AP5Z1: variants seen among roughly 807,000 people sequenced by gnomAD.
The protein encoded by AP5Z1 is AP-5 complex subunit zeta-1.
In AP5Z1, 106 loss-of-function variants were observed where a neutral mutation model predicts 83.0. The ratio of observed to expected loss-of-function variants is 1.28; its 90% CI spans 1.09 to 1.50. The LOEUF (loss-of-function observed/expected upper bound fraction) is 1.50, where lower values mean the gene tolerates loss of function less well. Ranked by LOEUF, AP5Z1 falls within the 40% of genes most tolerant of loss-of-function variation. AP5Z1 has a pLI of 0.00. For missense variants in AP5Z1, 1,565 were observed against 1,094.2 expected (o/e 1.43, Z -6.07); for synonymous variants, 751 against 514.1 (o/e 1.46, Z -6.23).
Position 4,785,715 on chromosome 7 carries a change from G to C in AP5Z1, c.1132+31G>C, listed in dbSNP as rs578065937. ...CCCAGGGTGGGGTGGCGCTGACTCG[G>C]GGCTCTGCTTCTGCCTTTAGTTTTA... On this transcript the variant is annotated intron_variant, in intron 9 of 16. Transcript: ENST00000649063. The C allele has an allele frequency of 9.7e-6, 14 of 1,447,974 alleles. No individual in the cohort carries two copies. In the South Asian group the frequency reaches 2.0e-4, roughly 21 times the overall value. The allele number at this position is 1,447,974 out of a possible 1,614,324, so 89.7% of individuals were successfully genotyped here. A position where few individuals can be genotyped will look rare whatever the true frequency, so the allele number is the denominator to read the frequency against.
intron 16 of AP5Z1, 81 bp from the exon 17 acceptor site, chr7:4,791,034 C>A: frequency 6.8e-7 from 1 of 1,479,492 alleles, no homozygotes; most frequent in Non-Finnish European, 9.0e-7. Context: ...CTGCTGGGCG[C>A]TTCAGGCCTG....
chr7:4,780,855 C>T (rs569031984), intron 1 of AP5Z1, among the ~76,000 whole-genome samples: 1 of 152,176 alleles, frequency 6.6e-6, no homozygotes, highest in South Asian at 2.1e-4. Context: ...AGTAAATTTC[C>T]TACTCTTGAA....
At position 4,783,739 on chromosome 7, in the gene AP5Z1, A is replaced by AGCCTCCAGCAAG; in HGVS notation, c.564_575dup (p.Gln190_Leu193dup). Reference sequence around the variant, plus strand: ...GCTGGTCGACTGGCTGCGCTACGCCAGCCTCCAGCAAGGGCTCCCACACTC... The same window carrying AGCCTCCAGCAAG: ...GCTGGTCGACTGGCTGCGCTACGCCAGCCTCCAGCAAGGCCTCCAGCAAGGGCTCCCACACTC... On this transcript the variant is annotated inframe_insertion, in exon 5 of 17. Coordinates refer to ENST00000649063, the MANE Select transcript of AP5Z1 (RefSeq NM_014855.3). 2 of 1,550,738 alleles carry AGCCTCCAGCAAG rather than the reference A, an allele frequency of 1.3e-6. No homozygotes were observed. Among genetic ancestry groups the AGCCTCCAGCAAG allele is most frequent in the South Asian group, 2.4e-5 (2 of 84,072 alleles).
intron 9 of AP5Z1, 145 bp from the exon 10 acceptor site, chr7:4,786,105 C>A: frequency 1.3e-6 from 1 of 777,678 alleles, no homozygotes; most frequent in Non-Finnish European, 1.9e-6. Context: ...GACCAAGTGC[C>A]GCTTCCCCAG....
At chr7:4,790,631 A>G (rs1427980151) in intron 15 of AP5Z1, 40 bp downstream of exon 15, 2 of 1,612,306 alleles carry the variant, frequency 1.2e-6, no homozygotes, top group South Asian at 1.1e-5. Context: ...CTCCTGACCC[A>G]GGAGGCCTGG....
In AP5Z1 at chr7:4,784,961, T is replaced by C; in HGVS notation, c.844T>C (p.Ser282Pro). The change falls in exon 7 of 17, where the codon TCT (serine) becomes CCT (proline). Residue 282 changes from serine (S) to proline (P), a missense_variant. By Grantham distance (74) the Ser-to-Pro change is moderately conservative (BLOSUM62 -1). Transcript: ENST00000649063. ...STLSVISATS[S>P]AGRLLPPRER... is the part of the protein sequence containing the mutation. Reference sequence around the variant, plus strand: ...TCTGTCGGTGATCTCCGCCACCTCCTCTGCCGGCCGCCTGCTGCCGCCCCG... The same window carrying C: ...TCTGTCGGTGATCTCCGCCACCTCCCCTGCCGGCCGCCTGCTGCCGCCCCG... 1 of 1,612,040 alleles carries C rather than the reference T, an allele frequency of 6.2e-7. No individual in the cohort carries two copies.
rs1294933517 is a variant in AP5Z1 at position 4,791,122 on chromosome 7, T to C, written c.2161T>C (p.Leu721=). 3.8e-6 allele frequency: 6 copies of C among 1,597,280 alleles called. No homozygotes were observed. Among genetic ancestry groups the C allele is most frequent in the Non-Finnish European group, 5.1e-6 (6 of 1,171,314 alleles). The part of the protein sequence containing the change: ...RSQDLIPRAS[L]LLSKMRTLAH... ...GGGACCTTCTTTCCCCAGGGCCTCT[T>C]TATTGCTGTCAAAGATGAGGACCCT... is the stretch of plus-strand genomic sequence containing the variant. Residue 721 remains leucine (L), a synonymous_variant, in exon 17 of 17, where the codon TTA becomes CTA. Coordinates refer to ENST00000649063, the MANE Select transcript of AP5Z1 (RefSeq NM_014855.3).
chr7:4,788,241 C>A lies in AP5Z1; in HGVS notation c.1542C>A (p.Phe514Leu), dbSNP rs1056095850. ...TGGAGGCCTTCCGGGACCCGCAGTT[C>A]CAGGGTCTTTTCCAATACCTGCTGC... ...SCLEAFRDPQFQGLFQYLLRP... is the reference protein window; with the variant it reads ...SCLEAFRDPQLQGLFQYLLRP... The change falls in exon 12 of 17, where the codon TTC (phenylalanine) becomes TTA (leucine). Residue 514 changes from phenylalanine (F) to leucine (L), a missense_variant. Transcript: ENST00000649063. The A allele has an allele frequency of 4.4e-6, 7 of 1,584,240 alleles. No homozygotes were observed. In the Admixed American group the frequency reaches 8.9e-5, roughly 20 times the overall value.
rs1258420020 is a variant in AP5Z1 at position 4,786,256 on chromosome 7, C to T, written c.1139C>T (p.Ala380Val). Residue 380 changes from alanine (A) to valine (V), a missense_variant, in exon 10 of 17, where the codon GCG becomes GTG. Ala to Val is a moderately conservative substitution (Grantham distance 64). Transcript: ENST00000649063. ...LAHFFLSHGE[A>V]AAVDSEAVYQ... is the part of the protein sequence containing the mutation. ...GCGGGCCCTGGTCTTGCAGGGGAAGCGGCTGCAGTGGACTCGGAAGCCGTC... is the reference window on the plus strand; with the variant it reads ...GCGGGCCCTGGTCTTGCAGGGGAAGTGGCTGCAGTGGACTCGGAAGCCGTC... 3.1e-6 allele frequency: 5 copies of T among 1,602,724 alleles called. No homozygotes were observed. Among genetic ancestry groups the T allele is most frequent in the African/African-American group, 1.3e-5 (1 of 74,856 alleles).
chr7:4,787,834 G>A, intron 11 of AP5Z1, 58 bp downstream of exon 11: 1 of 1,484,464 alleles, frequency 6.7e-7, no homozygotes, highest in Non-Finnish European at 9.0e-7. Context: ...TCCACACACT[G>A]GGCCCCCTCC....
chr7:4,781,239 G>A lies in AP5Z1; in HGVS notation c.106G>A (p.Asp36Asn), dbSNP rs751942964. 6.2e-7 allele frequency: 1 copy of A among 1,613,782 alleles called. No homozygotes were observed. The highest frequency in any genetic ancestry group is 1.7e-4 in the Middle Eastern group (1 of 6,060). Residue 36 changes from aspartate (D) to asparagine (N), a missense_variant, in exon 2 of 17, where the codon GAC (aspartate) becomes AAC (asparagine). By Grantham distance (23) the Asp-to-Asn change is conservative. Coordinates refer to ENST00000649063, the MANE Select transcript of AP5Z1 (RefSeq NM_014855.3). The part of the protein sequence containing the change: ...SRICKLLQAE[D>N]LGPDTLDSLQ... ...GATCTGTAAACTGCTGCAGGCGGAG[G>A]ACTTGGGGCCGGACACCCTCGACTC...
At chr7:4,783,862 T>G (rs1781455195) in intron 5 of AP5Z1, 64 bp downstream of exon 5, 1 of 1,475,994 alleles carries the variant, frequency 6.8e-7, no homozygotes. Context: ...CCCTGAGAGC[T>G]CCTGTGCCCA....
chr7:4,779,074 T>G (rs539487526), intron 1 of AP5Z1, among the ~76,000 whole-genome samples: 1 of 140,384 alleles, frequency 7.1e-6, no homozygotes, highest in African/African-American at 2.6e-5. Flanking sequence ...AAAAATATAT[T>G]TTTATATGTA....
At chr7:4,785,289 C>T (rs1202334291) in intron 7 of AP5Z1, 126 bp from the exon 8 acceptor site, 8 of 1,378,724 alleles carry the variant, frequency 5.8e-6, no homozygotes, top group Non-Finnish European at 5.8e-6. Context: ...CACTCAAGTC[C>T]TCCTGGGGGC....
chr7:4,782,526 C>T (rs1344799163), intron 3 of AP5Z1, among the ~76,000 whole-genome samples: 6 of 152,178 alleles, frequency 3.9e-5, no homozygotes, highest in South Asian at 2.1e-4. Context: ...TGAGTTGCCT[C>T]CTGTGCTGGG....
At position 4,791,717 on chromosome 7, in the gene AP5Z1, GC is replaced by G; in HGVS notation, c.*333del. On this transcript the variant is annotated 3_prime_UTR_variant, in exon 17 of 17. Coordinates refer to ENST00000649063, the MANE Select transcript of AP5Z1 (RefSeq NM_014855.3). ...TCTTTTGTTTTTGGACAGTTGATGG[GC>G]AAGAAGAGCTGCAGTAAAAGTAAAT... is the stretch of plus-strand genomic sequence containing the variant. 3 of 401,500 alleles carry G rather than the reference GC, an allele frequency of 7.5e-6. No individual in the cohort carries two copies. Among genetic ancestry groups the G allele is most frequent in the Non-Finnish European group, 1.3e-5 (3 of 222,694 alleles). The allele number at this position is 401,500 out of a possible 1,614,324, so 24.9% of individuals were successfully genotyped here. A position where few individuals can be genotyped will look rare whatever the true frequency, so the allele number is the denominator to read the frequency against.
chr7:4,787,654 A>G lies in AP5Z1; in HGVS notation c.1332A>G (p.Pro444=). The part of the protein sequence containing the change: ...NLFKFLAWNS[P]PLTSEFVALL... ...CACAGTTCCTGGCCTGGAACAGCCC[A>G]CCCCTCACCTCCGAGTTTGTGGCGC... Residue 444 remains proline, a synonymous_variant, in exon 11 of 17, where the codon CCA becomes CCG. Transcript: ENST00000649063. 1 of 1,552,960 alleles carries G rather than the reference A, an allele frequency of 6.4e-7. No individual in the cohort carries two copies.
Position 4,788,945 on chromosome 7 carries a change from G to T in AP5Z1, c.1701G>T (p.Val567=). The change falls in exon 13 of 17, where the codon GTG becomes GTT. Residue 567 remains valine, a synonymous_variant. Transcript: ENST00000649063. The stretch of plus-strand genomic sequence containing the variant: ...TGCTGCAGGCATTCTTCTCAGCAGT[G>T]ACCCAGGTGAGCTCGCTGCCTGGGG... ...PTLLQAFFSA[V]TQVADGSLIN... is the part of the protein sequence containing the mutation. 1 of 1,610,828 alleles carries T rather than the reference G, an allele frequency of 6.2e-7. No homozygotes were observed. The highest frequency in any genetic ancestry group is 1.1e-5 in the South Asian group (1 of 90,852).
chr7:4,785,392 C>A (rs976121772), intron 7 of AP5Z1, 23 bp from the exon 8 acceptor site: 1 of 1,611,924 alleles, frequency 6.2e-7, no homozygotes. Context: ...ACAGAGCCGG[C>A]TGACTTTTTC....
Sources: gnomAD v4.1 joint callset for allele counts (sites outside exome capture counted in the v4.1 genomes callset) on GRCh38, gnomAD v4.1.1 for gene constraint, MANE v1.5 for transcripts, NCBI Gene and HGNC (gene_info 2026-07-23, HGNC 2026-07-21) for gene names.